EIF3A: variants seen among roughly 807,000 people sequenced by gnomAD.
EIF3A encodes eukaryotic translation initiation factor 3 subunit A.
Under a neutral mutation model 186.6 loss-of-function variants are expected in EIF3A, and 21 were observed. The ratio of observed to expected loss-of-function variants is 0.11; its 90% CI spans 0.08 to 0.16. EIF3A has a LOEUF of 0.16. Ranked by LOEUF, EIF3A falls within the 10% of genes least tolerant of loss-of-function variation. The pLI is 1.00. For synonymous variants in EIF3A, 563 were observed against 584.3 expected (o/e 0.96, Z 0.52); for missense variants, 1,306 against 1,796.3 (o/e 0.73, Z 4.93).
chr10:119,065,306 G>A, intron 7 of EIF3A, 93 bp downstream of exon 7: 1 of 957,382 alleles, frequency 1.0e-6, no homozygotes, highest in Non-Finnish European at 1.6e-6. Context: ...CCTTGGCACT[G>A]AATCAGAATT....
At position 119,080,598 on chromosome 10, in the gene EIF3A, C is replaced by A. The variant is rs368800783; in HGVS notation, c.49+30G>T. 1.7e-4 allele frequency: 269 copies of A among 1,567,986 alleles called. 1 individual carries two copies. In the African/African-American group the frequency reaches 3.1e-3, roughly 18 times the overall value. On this transcript the variant is annotated intron_variant, in intron 1 of 21. Coordinates refer to ENST00000369144, the MANE Select transcript of EIF3A (RefSeq NM_003750.4). ...CGACCTCGGAGGCCTCGGGCCGCCC[C>A]AGCCCGGCGCGCCCCGATCAGCTAC...
chr10:119,059,263 C>T lies in EIF3A; in HGVS notation c.1578G>A (p.Met526Ile). 1 of 1,614,196 alleles carries T rather than the reference C, an allele frequency of 6.2e-7. No homozygotes were observed. The highest frequency in any genetic ancestry group is 8.5e-7 in the Non-Finnish European group (1 of 1,180,024). The change falls in exon 11 of 22, where the codon ATG becomes ATA. Residue 526 changes from methionine to isoleucine, a missense_variant. Around this residue, in one of 8 missense-constraint regions of EIF3A, gnomAD observed 44 missense variants for 43.4 expected, o/e 1.01. Coordinates refer to ENST00000369144, the MANE Select transcript of EIF3A (RefSeq NM_003750.4). ...SEQIRNQLTA[M>I]SSVLAKALEV... Reference sequence around the variant, plus strand: ...CAAGTGCTTTTGCAAGTACTGAGGACATGGCTGTCAGCTGGTTTCTTATCT... The same window carrying T: ...CAAGTGCTTTTGCAAGTACTGAGGATATGGCTGTCAGCTGGTTTCTTATCT...
In EIF3A at chr10:119,073,023, G is replaced by A. The variant is rs1423982563; in HGVS notation, c.408C>T (p.Asp136=). 4.3e-6 allele frequency: 7 copies of A among 1,613,698 alleles called. No individual in the cohort carries two copies. The highest frequency in any genetic ancestry group is 5.9e-6 in the Non-Finnish European group (7 of 1,179,910). Residue 136 remains aspartate, a synonymous_variant, in exon 4 of 22, where the codon GAC becomes GAT. Coordinates refer to ENST00000369144, the MANE Select transcript of EIF3A (RefSeq NM_003750.4). ...GTAATCTGTCAGTACGATCCTGAGT[G>A]TCTTCACCACTTACAGCACTTAGGA... ...SVLLSAVSGE[D]TQDRTDRLLL...
intron 17 of EIF3A, among the ~76,000 whole-genome samples, chr10:119,048,189 GCA>G (rs1848307162): frequency 6.6e-6 from 1 of 152,058 alleles, no homozygotes; most frequent in African/African-American, 2.4e-5. Context: ...CCAACAGCAG[GCA>G]CAGTGATCAA....
intron 1 of EIF3A, among the ~76,000 whole-genome samples, chr10:119,077,628 C>G (rs1051335555): frequency 6.6e-6 from 1 of 150,860 alleles, no homozygotes; most frequent in African/African-American, 2.4e-5. Context: ...AATCTCAGCT[C>G]ACTGCAAGCT....
rs547856016 is a variant in EIF3A, at chr10:119,051,633, A to G, written c.2197-312T>C. On this transcript the variant is annotated intron_variant, in intron 14 of 21. Coordinates refer to ENST00000369144, the MANE Select transcript of EIF3A (RefSeq NM_003750.4). ...GGAGGCACTGCAGGTTTGGTTCTAG[A>G]CCACCACAATAAAGAATATTGCAAT... 1.4e-4 allele frequency among the ~76,000 whole-genome samples: 21 copies of G among 152,302 alleles called. No homozygotes were observed. In the South Asian group the frequency reaches 3.5e-3, roughly 26 times the overall value.
rs148278723 is a variant in EIF3A, at chr10:119,059,878, A to C, written c.1327-160T>G. On this transcript the variant is annotated intron_variant, in intron 9 of 21. Transcript: ENST00000369144. ...ATGCTAATCCCAGACCATCGACTCT[A>C]AACTCCATGCTTTGAGAACCATTAT... The C allele has an allele frequency of 2.6e-4, 171 of 666,352 alleles. 5 individuals carry two copies. In the East Asian group the frequency reaches 4.2e-3, roughly 16 times the overall value. The allele number at this position is 666,352 out of a possible 1,614,324, so 41.3% of individuals were successfully genotyped here.
chr10:119,035,329 A>T lies in EIF3A; in HGVS notation c.*710T>A, dbSNP rs1848113228. 1 of 152,590 alleles carries T rather than the reference A, an allele frequency of 6.6e-6. No homozygotes were observed. Among genetic ancestry groups the T allele is most frequent in the African/African-American group, 2.4e-5 (1 of 41,432 alleles). The allele number at this position is 152,590 out of a possible 1,614,324, so 9.5% of individuals were successfully genotyped here. ...TCCATTAATGGAAAAGCAGTTTGCT[A>T]TTGGCAACAGAAAAAAACTCAGCGA... On this transcript the variant is annotated 3_prime_UTR_variant, in exon 22 of 22. Coordinates refer to ENST00000369144, the MANE Select transcript of EIF3A (RefSeq NM_003750.4).
chr10:119,069,599 G>T lies in EIF3A; in HGVS notation c.797C>A (p.Pro266Gln). The T allele has an allele frequency of 6.2e-7, 1 of 1,602,084 alleles. No individual in the cohort carries two copies. The highest frequency in any genetic ancestry group is 8.6e-7 in the Non-Finnish European group (1 of 1,169,184). The change falls in exon 6 of 22, where the codon CCA becomes CAA. Residue 266 changes from proline (P) to glutamine (Q), a missense_variant. By Grantham distance (76) the Pro-to-Gln change is moderately conservative. Transcript: ENST00000369144. ...IHGLFSLSKK[P>Q]PKPQLMANYY... ...ATTTGCCATCAACTGAGGTTTAGGT[G>T]GTTTTTTAGACAAGGAGAATAGCCC...
rs116303694 is a variant in EIF3A at position 119,073,184 on chromosome 10, C to T, written c.378-131G>A. Reference sequence around the variant, plus strand: ...CAATATGTACACACTGCAAAGGTGTCACTATCTACTCCCTGAATTCCCAAT... The same window carrying T: ...CAATATGTACACACTGCAAAGGTGTTACTATCTACTCCCTGAATTCCCAAT... On this transcript the variant is annotated intron_variant, in intron 3 of 21. Coordinates refer to ENST00000369144, the MANE Select transcript of EIF3A (RefSeq NM_003750.4). 507 of 826,622 alleles carry T rather than the reference C, an allele frequency of 6.1e-4. 3 individuals are homozygous for T. In the African/African-American group the frequency reaches 7.8e-3, roughly 13 times the overall value. The allele number at this position is 826,622 out of a possible 1,614,324, so 51.2% of individuals were successfully genotyped here.
intron 6 of EIF3A, among the ~76,000 whole-genome samples, chr10:119,066,505 CAAAAAAAAAAAAAAAAAAAAA>C (rs71016533): frequency 1.1e-4 from 5 of 47,498 alleles, no homozygotes; most frequent in East Asian, 8.7e-4. Flanking sequence ...TTAAGACTGT[CAAAAAAAAAAAAAAAAAAAAA>C]AAAAAAAAAA....
intron 9 of EIF3A, chr10:119,060,104 T>C (rs780710453): frequency 5.9e-6 from 3 of 512,136 alleles, no homozygotes; most frequent in Non-Finnish European, 1.2e-5. Context: ...ATAACACTAC[T>C]CACATAAAAG....
chr10:119,063,847 C>A (rs974192040), intron 7 of EIF3A, among the ~76,000 whole-genome samples: 1 of 152,180 alleles, frequency 6.6e-6, no homozygotes, highest in Non-Finnish European at 1.5e-5. Context: ...CTTAGGGAAG[C>A]CGAGGGGGAT....
intron 1 of EIF3A, among the ~76,000 whole-genome samples, chr10:119,074,930 AAAAAAAAAAAAG>A (rs1466277126): frequency 1.0e-3 from 154 of 147,032 alleles, no homozygotes; most frequent in Non-Finnish European, 1.8e-3. Flanking sequence ...AAAAAAAAAA[AAAAAAAAAAAAG>A]GGAAAAAAAT....
chr10:119,065,685 C>T, intron 6 of EIF3A, 115 bp from the exon 7 acceptor site: 1 of 700,954 alleles, frequency 1.4e-6, no homozygotes, highest in Non-Finnish European at 2.5e-6. Flanking sequence ...GTGTACATCA[C>T]CATGGTGCAC....
At chr10:119,057,172 AAAT>A (rs1487438386) in intron 12 of EIF3A, 132 bp from the exon 13 acceptor site, 47 of 613,358 alleles carry the variant, frequency 7.7e-5, no homozygotes, top group Middle Eastern at 8.6e-4. Flanking sequence ...GGAAATGTAA[AAAT>A]ATTATACAAT....
chr10:119,075,651 C>CATACATAT (rs1844156091), intron 1 of EIF3A, among the ~76,000 whole-genome samples: 1 of 97,064 alleles, frequency 1.0e-5, no homozygotes, highest in African/African-American at 3.9e-5. Context: ...TATATATATA[C>CATACATAT]ATATATATAT....
intron 14 of EIF3A, among the ~76,000 whole-genome samples, chr10:119,054,824 T>C (rs896149775): frequency 6.6e-6 from 1 of 152,230 alleles, no homozygotes. Flanking sequence ...TAATCATTTC[T>C]AGCATTTGAT....
Position 119,046,866 on chromosome 10 carries a change from A to T in EIF3A, c.2659-2724T>A, listed in dbSNP as rs528525247. On this transcript the variant is annotated intron_variant, in intron 17 of 21. Transcript: ENST00000369144. The stretch of plus-strand genomic sequence containing the variant: ...CACCTACTTGGGAGGCTGAGGCAGG[A>T]GAATCACTTGAACCTGGAAGGTGGA... Among the ~76,000 whole-genome samples the T allele has an allele frequency of 4.6e-5, 7 of 152,298 alleles. No individual in the cohort carries two copies. In the South Asian group the frequency reaches 1.4e-3, roughly 32 times the overall value.
Sources: gnomAD v4.1 joint callset for allele counts (sites outside exome capture counted in the v4.1 genomes callset) on GRCh38, gnomAD v4.1.1 for gene constraint, gnomAD v4.1.1 regional missense constraint, MANE v1.5 for transcripts, NCBI Gene and HGNC (gene_info 2026-07-23, HGNC 2026-07-21) for gene names.